Variants in EFNA3 observed in about 807,000 individuals in gnomAD.
EFNA3 encodes ephrin A3, also known as ephrin-A3.
EFNA3 carries 15 observed loss-of-function variants against 25.0 expected under a neutral mutation model. The ratio of observed to expected loss-of-function variants is 0.60; its 90% CI spans 0.40 to 0.92. The LOEUF is 0.92. EFNA3 is among the 40% of genes least tolerant of loss of function. The pLI is 0.00. For synonymous variants in EFNA3, 153 were observed against 145.6 expected, an observed-to-expected ratio of 1.05 and a Z score of -0.37; for missense variants, 298 against 323.8, an observed-to-expected ratio of 0.92 and a Z score of 0.61.
chr1:155,085,421 G>A lies in EFNA3; in HGVS notation c.442+17G>A, dbSNP rs1288826095. 1 of 1,546,988 alleles carries A rather than the reference G, an allele frequency of 6.5e-7. No homozygotes were observed. ...ACTACATCTGTGAGTGACGGCGGCCGGGCGGGCGGGTCTGAACGCGAGAGT... is the reference window on the plus strand; with the variant it reads ...ACTACATCTGTGAGTGACGGCGGCCAGGCGGGCGGGTCTGAACGCGAGAGT... On this transcript the variant is annotated intron_variant, in intron 2 of 4. Coordinates refer to ENST00000368408, the MANE Select transcript of EFNA3 (RefSeq NM_004952.5). This position sits in a 1 kb window ranked among gnomAD's most constrained non-coding sequence, Gnocchi z 4.4.
rs745337765 is a variant in EFNA3, at chr1:155,085,826, G to A, written c.443-51G>A. The A allele has an allele frequency of 1.9e-6, 3 of 1,601,914 alleles. No homozygotes were observed. The highest frequency in any genetic ancestry group is 4.5e-5 in the East Asian group (2 of 44,242). On this transcript the variant is annotated intron_variant, in intron 2 of 4. Transcript: ENST00000368408. This position sits in a 1 kb window ranked among gnomAD's most constrained non-coding sequence, Gnocchi z 4.4. ...GTGAGAAATAGAGCCGTCGAGGGAGGGCACAGGCACACATTGGGCGAAAGT... is the reference window on the plus strand; with the variant it reads ...GTGAGAAATAGAGCCGTCGAGGGAGAGCACAGGCACACATTGGGCGAAAGT...
At chr1:155,083,003 TG>T (rs950990374) in intron 1 of EFNA3, among the ~76,000 whole-genome samples, 1 of 152,144 alleles carries the variant, frequency 6.6e-6, no homozygotes, top group African/African-American at 2.4e-5. Context: ...TGCCCAGCCT[TG>T]GGGGGGCATT....
At chr1:155,083,970 C>A (rs900096991) in intron 1 of EFNA3, among the ~76,000 whole-genome samples, 9 of 152,212 alleles carry the variant, frequency 5.9e-5, no homozygotes, top group African/African-American at 1.7e-4. Context: ...TTCTCCATCC[C>A]CACACCGCTC....
rs1211870499 is a variant in EFNA3 at position 155,085,574 on chromosome 1, G to A, written c.442+170G>A. The A allele has an allele frequency of 2.3e-6, 2 of 852,404 alleles. No homozygotes were observed. The highest frequency in any genetic ancestry group is 2.7e-5 in the East Asian group (1 of 37,152). 52.8% of individuals were successfully genotyped at this position (852,404 alleles called of 1,614,324 possible). On this transcript the variant is annotated intron_variant, in intron 2 of 4. Coordinates refer to ENST00000368408, the MANE Select transcript of EFNA3 (RefSeq NM_004952.5). This position sits in a 1 kb window ranked among gnomAD's most constrained non-coding sequence, Gnocchi z 4.4. ...GACGCCTGAGGGGTTCAGCTCAGAC[G>A]AGGTCGTGGGGCCAAGAGAGGAGTT... is the stretch of plus-strand genomic sequence containing the variant.
At position 155,085,143 on chromosome 1, in the gene EFNA3, A is replaced by G. The variant is rs886300421; in HGVS notation, c.181A>G (p.Ile61Val). 6.2e-6 allele frequency: 10 copies of G among 1,613,430 alleles called. No individual in the cohort carries two copies. In the African/African-American group the frequency reaches 9.3e-5, roughly 15 times the overall value. Reference protein sequence around the residue: ...VQVNVNDYLDIYCPHYNSSGV... With the variant: ...VQVNVNDYLDVYCPHYNSSGV... ...GGTGAACGTGAACGACTATCTGGAT[A>G]TTTACTGCCCGCACTACAACAGCTC... Residue 61 changes from isoleucine (I) to valine (V), a missense_variant, in exon 2 of 5, where the codon ATT becomes GTT. Coordinates refer to ENST00000368408, the MANE Select transcript of EFNA3 (RefSeq NM_004952.5). The surrounding 1 kb of genome is among the most constrained non-coding windows in gnomAD (Gnocchi z 4.4).
chr1:155,086,163 C>T lies in EFNA3; in HGVS notation c.544C>T (p.Pro182Ser). The part of the protein sequence containing the change: ...HSGEKPVPTL[P>S]QFTMGPNVKI... ...CGGGGAGAAGCCGGTCCCCACTCTC[C>T]CCCAGTTCACCATGGGCCCCAATGT... is the stretch of plus-strand genomic sequence containing the variant. Residue 182 changes from proline to serine, a missense_variant, in exon 4 of 5, where the codon CCC becomes TCC. Physicochemically the swap from Pro to Ser is moderately conservative, Grantham distance 74. Transcript: ENST00000368408. The T allele has an allele frequency of 6.2e-7, 1 of 1,613,954 alleles. No homozygotes were observed. Among genetic ancestry groups the T allele is most frequent in the Non-Finnish European group, 8.5e-7 (1 of 1,179,898 alleles).
chr1:155,078,861 G>C lies in EFNA3; in HGVS notation c.-81G>C. 1.5e-6 allele frequency: 2 copies of C among 1,301,270 alleles called. No individual in the cohort carries two copies. Among genetic ancestry groups the C allele is most frequent in the South Asian group, 2.3e-5 (1 of 43,140 alleles). 80.6% of individuals were successfully genotyped at this position (1,301,270 alleles called of 1,614,324 possible). The stretch of plus-strand genomic sequence containing the variant: ...TGGCCTAAGGCTGGGGGCCGACGGC[G>C]GCGGCAGCAGGGAGCTGGGAAGCGG... On this transcript the variant is annotated 5_prime_UTR_variant, in exon 1 of 5. Coordinates refer to ENST00000368408, the MANE Select transcript of EFNA3 (RefSeq NM_004952.5).
chr1:155,083,019 G>A (rs1663375215), intron 1 of EFNA3, among the ~76,000 whole-genome samples: 2 of 152,204 alleles, frequency 1.3e-5, no homozygotes, highest in Admixed American at 1.3e-4. Flanking sequence ...GGCATTTCAG[G>A]AGCTGTTCCT....
At position 155,085,391 on chromosome 1, in the gene EFNA3, G is replaced by C; in HGVS notation, c.429G>C (p.Glu143Asp). The change falls in exon 2 of 5, where the codon GAG becomes GAC. Residue 143 changes from glutamate to aspartate, a missense_variant. Glu to Asp is a conservative substitution (Grantham distance 45, BLOSUM62 2). Transcript: ENST00000368408. This position sits in a 1 kb window ranked among gnomAD's most constrained non-coding sequence, Gnocchi z 4.4. ...SLGYEFHAGH[E>D]YYYISTPTHN... ...GCTACGAGTTCCACGCCGGCCACGAGTACTACTACATCTGTGAGTGACGGC... is the reference window on the plus strand; with the variant it reads ...GCTACGAGTTCCACGCCGGCCACGACTACTACTACATCTGTGAGTGACGGC... 1.9e-6 allele frequency: 3 copies of C among 1,607,476 alleles called. No homozygotes were observed. Among genetic ancestry groups the C allele is most frequent in the Non-Finnish European group, 2.6e-6 (3 of 1,176,312 alleles).
chr1:155,081,886 G>T lies in EFNA3; in HGVS notation c.128+2817G>T, dbSNP rs1208065740. ...ACTCCGTCTCTGTGTCTCGCTTTCG[G>T]CAGGTCTCTCGCTCCTCTCCGCCGC... On this transcript the variant is annotated intron_variant, in intron 1 of 4. Coordinates refer to ENST00000368408, the MANE Select transcript of EFNA3 (RefSeq NM_004952.5). The surrounding 1 kb of genome is among the most constrained non-coding windows in gnomAD (Gnocchi z 5.2). 6.6e-6 allele frequency among the ~76,000 whole-genome samples: 1 copy of T among 152,154 alleles called. No individual in the cohort carries two copies. Among genetic ancestry groups the T allele is most frequent in the African/African-American group, 2.4e-5 (1 of 41,424 alleles).
In EFNA3 at chr1:155,086,802, CA is replaced by C; in HGVS notation, c.*264del. On this transcript the variant is annotated 3_prime_UTR_variant, in exon 5 of 5. Coordinates refer to ENST00000368408, the MANE Select transcript of EFNA3 (RefSeq NM_004952.5). ...AATGTTTGGTACCAAACTTGGGGGC[CA>C]AAAAGGGCAGTGCTCAGGACTCCCT... 16 of 454,124 alleles carry C rather than the reference CA, an allele frequency of 3.5e-5. No homozygotes were observed. The highest frequency in any genetic ancestry group is 5.5e-5 in the South Asian group (2 of 36,554). 28.1% of individuals were successfully genotyped at this position (454,124 alleles called of 1,614,324 possible).
chr1:155,085,003 A>C lies in EFNA3; in HGVS notation c.129-88A>C. ...GAGGAAAAGTCGGAAGGCTACGCGG[A>C]CCCTGGGGAGGGGCTGCGGAGCGGT... On this transcript the variant is annotated intron_variant, in intron 1 of 4. Coordinates refer to ENST00000368408, the MANE Select transcript of EFNA3 (RefSeq NM_004952.5). The surrounding 1 kb of genome is among the most constrained non-coding windows in gnomAD (Gnocchi z 4.4). 6.8e-7 allele frequency: 1 copy of C among 1,461,012 alleles called. No homozygotes were observed. 90.5% of individuals were successfully genotyped at this position (1,461,012 alleles called of 1,614,324 possible).
Position 155,085,068 on chromosome 1 carries a change from G to A in EFNA3, c.129-23G>A. ...CTTTGCTCTGGGGTTTCTTCTCTCTGAGCCGCTTCCTCTTCCCCACAGCCT... is the reference window on the plus strand; with the variant it reads ...CTTTGCTCTGGGGTTTCTTCTCTCTAAGCCGCTTCCTCTTCCCCACAGCCT... On this transcript the variant is annotated intron_variant, in intron 1 of 4. Transcript: ENST00000368408. This position sits in a 1 kb window ranked among gnomAD's most constrained non-coding sequence, Gnocchi z 4.4. 6.2e-7 allele frequency: 1 copy of A among 1,612,148 alleles called. No homozygotes were observed. The highest frequency in any genetic ancestry group is 1.1e-5 in the South Asian group (1 of 90,892).
intron 1 of EFNA3, among the ~76,000 whole-genome samples, chr1:155,082,636 CA>C (rs1558144820): frequency 6.6e-6 from 1 of 152,152 alleles, no homozygotes; most frequent in African/African-American, 2.4e-5. Flanking sequence ...CGCCTTTCTG[CA>C]AGAGAGGCGA....
chr1:155,080,839 G>T lies in EFNA3; in HGVS notation c.128+1770G>T, dbSNP rs915799524. ...TAGGAGGGGGCGCACACCGGGCCAG[G>T]AGGCTGCCGCCGCCCCCGCCTCGCT... is the stretch of plus-strand genomic sequence containing the variant. On this transcript the variant is annotated intron_variant, in intron 1 of 4. Coordinates refer to ENST00000368408, the MANE Select transcript of EFNA3 (RefSeq NM_004952.5). This position sits in a 1 kb window ranked among gnomAD's most constrained non-coding sequence, Gnocchi z 7.0. 6.6e-6 allele frequency among the ~76,000 whole-genome samples: 1 copy of T among 152,132 alleles called. No individual in the cohort carries two copies. Among genetic ancestry groups the T allele is most frequent in the Non-Finnish European group, 1.5e-5 (1 of 67,990 alleles).
rs1037587271 is a variant in EFNA3, at chr1:155,085,448, T to C, written c.442+44T>C. 3 of 1,492,264 alleles carry C rather than the reference T, an allele frequency of 2.0e-6. No homozygotes were observed. Among genetic ancestry groups the C allele is most frequent in the Admixed American group, 4.6e-5 (2 of 43,888 alleles). 92.4% of individuals were successfully genotyped at this position (1,492,264 alleles called of 1,614,324 possible). ...GCGGGCGGGTCTGAACGCGAGAGTC[T>C]GAGTGACAGCCGGGGGGTGGAGCCC... On this transcript the variant is annotated intron_variant, in intron 2 of 4. Transcript: ENST00000368408. This position sits in a 1 kb window ranked among gnomAD's most constrained non-coding sequence, Gnocchi z 4.4.
At position 155,085,718 on chromosome 1, in the gene EFNA3, C is replaced by A; in HGVS notation, c.443-159C>A. On this transcript the variant is annotated intron_variant, in intron 2 of 4. Transcript: ENST00000368408. The surrounding 1 kb of genome is among the most constrained non-coding windows in gnomAD (Gnocchi z 4.4). ...GTGGGACCAAAGGGGCGTCTAGGGC[C>A]GACGGCAGAGCTAAAGTGACCCGTG... 1.2e-6 allele frequency: 1 copy of A among 844,386 alleles called. No individual in the cohort carries two copies. The highest frequency in any genetic ancestry group is 1.8e-6 in the Non-Finnish European group (1 of 542,580). 52.3% of individuals were successfully genotyped at this position (844,386 alleles called of 1,614,324 possible). A position where few individuals can be genotyped will look rare whatever the true frequency, so the allele number is the denominator to read the frequency against.
chr1:155,086,196 A>G lies in EFNA3; in HGVS notation c.577A>G (p.Asn193Asp). The G allele has an allele frequency of 3.7e-6, 6 of 1,613,592 alleles. No individual in the cohort carries two copies. The highest frequency in any genetic ancestry group is 5.1e-6 in the Non-Finnish European group (6 of 1,179,826). ...CACCATGGGCCCCAATGTGAAGATC[A>G]ACGTGCTGGGTGAGTCTGCGCAGCG... ...QFTMGPNVKI[N>D]VLEDFEGENP... is the part of the protein sequence containing the mutation. The change falls in exon 4 of 5, where the codon AAC (asparagine) becomes GAC (aspartate). Residue 193 changes from asparagine (N) to aspartate (D), a missense_variant. Transcript: ENST00000368408.
intron 3 of EFNA3, 25 bp from the exon 4 acceptor site, chr1:155,086,103 T>TGCCCCCCCCCCCCCC: frequency 6.3e-7 from 1 of 1,577,718 alleles, no homozygotes; most frequent in Non-Finnish European, 8.7e-7. Context: ...CCCTCCTCTC[T>TGCCCCCCCCCCCCCC]CCCCACCCGC....
Sources: allele counts gnomAD v4.1 joint callset (sites outside exome capture counted in the v4.1 genomes callset), GRCh38; gene constraint gnomAD v4.1.1; non-coding constraint Gnocchi (gnomAD v3.1); transcripts MANE v1.5; gene names NCBI Gene and HGNC (gene_info 2026-07-23, HGNC 2026-07-21).